RAB27B: variants seen among roughly 807,000 people sequenced by gnomAD.
The protein encoded by RAB27B is ras-related protein Rab-27B.
In RAB27B, 15 loss-of-function variants were observed where a neutral mutation model predicts 24.6. The ratio of observed to expected loss-of-function variants is 0.61; its 90% CI spans 0.41 to 0.94. The LOEUF (loss-of-function observed/expected upper bound fraction) is 0.94, where lower values mean the gene tolerates loss of function less well. Ranked by LOEUF, RAB27B falls within the 40% of genes least tolerant of loss-of-function variation. The pLI is 0.00. For synonymous variants in RAB27B, 105 were observed against 92.5 expected, an observed-to-expected ratio of 1.14 and a Z score of -0.78; for missense variants, 261 against 266.8, an observed-to-expected ratio of 0.98 and a Z score of 0.15.
chr18:54,752,087 A>G (rs11873879), intron 2 of RAB27B, among the ~76,000 whole-genome samples: 9,460 of 152,244 alleles, frequency 0.062, 371 homozygotes, highest in Admixed American at 0.086. Context: ...TTAGCACATC[A>G]TGACATACAG....
At chr18:54,870,111 T>C (rs772290419) in intron 1 of RAB27B, among the ~76,000 whole-genome samples, 3 of 152,142 alleles carry the variant, frequency 2.0e-5, no homozygotes, top group Non-Finnish European at 4.4e-5. Flanking sequence ...TTACGTTCTA[T>C]GAAGTTAATA....
At chr18:54,828,300 A>G (rs566344315), upstream of RAB27B, 10 of 152,340 alleles carry the variant, frequency 6.6e-5, no homozygotes, top group Admixed American at 3.9e-4. Context: ...CAGTGTGGAG[A>G]CTTCATCCCC....
At chr18:54,795,575 G>C (rs556592571) in intron 2 of RAB27B, among the ~76,000 whole-genome samples, 1 of 152,278 alleles carries the variant, frequency 6.6e-6, no homozygotes, top group East Asian at 1.9e-4. Flanking sequence ...GATGAATGAA[G>C]GGCCTGGAAC....
chr18:54,803,744 C>T (rs776399608), intron 2 of RAB27B, among the ~76,000 whole-genome samples: 9 of 152,090 alleles, frequency 5.9e-5, no homozygotes, highest in Non-Finnish European at 8.8e-5. Context: ...AGAGAAGAAT[C>T]AGAGGTGATT....
At position 54,887,921 on chromosome 18, in the gene RAB27B, T is replaced by A; in HGVS notation, c.344-74T>A. On this transcript the variant is annotated intron_variant, in intron 4 of 5. Transcript: ENST00000262094. ...TGGAGATAAGCAATTAGATCAGGAA[T>A]CTGGAATAAGAGCAGTCATTTGACA... 5 of 1,524,020 alleles carry A rather than the reference T, an allele frequency of 3.3e-6. No homozygotes were observed. In the South Asian group the frequency reaches 6.3e-5, roughly 19 times the overall value. The allele number at this position is 1,524,020 out of a possible 1,614,324, so 94.4% of individuals were successfully genotyped here. A position where few individuals can be genotyped will look rare whatever the true frequency, so the allele number is the denominator to read the frequency against.
chr18:54,854,453 G>A (rs2145224950), intron 1 of RAB27B, among the ~76,000 whole-genome samples: 1 of 152,158 alleles, frequency 6.6e-6, no homozygotes, highest in South Asian at 2.1e-4. Flanking sequence ...CAAATATGTT[G>A]TGCCTCTTTT....
At chr18:54,821,767 T>C (rs1910318023) in intron 2 of RAB27B, among the ~76,000 whole-genome samples, 1 of 152,240 alleles carries the variant, frequency 6.6e-6, no homozygotes, top group Non-Finnish European at 1.5e-5. Flanking sequence ...ATTTTTATTT[T>C]TTTGAGATGG....
intron 1 of RAB27B, among the ~76,000 whole-genome samples, chr18:54,835,733 G>A (rs1043120729): frequency 2.0e-5 from 3 of 152,026 alleles, no homozygotes; most frequent in Non-Finnish European, 4.4e-5. Context: ...AGCAGTAATA[G>A]TAATAAGATG....
chr18:54,772,046 T>G (rs779371424), intron 2 of RAB27B, among the ~76,000 whole-genome samples: 14 of 152,192 alleles, frequency 9.2e-5, no homozygotes, highest in Non-Finnish European at 2.1e-4. Flanking sequence ...AAGCTCCTCT[T>G]TAATTTCTTC....
intron 2 of RAB27B, among the ~76,000 whole-genome samples, chr18:54,754,478 A>T (rs1214036506): frequency 6.6e-6 from 1 of 152,226 alleles, no homozygotes; most frequent in African/African-American, 2.4e-5. Flanking sequence ...TAGTGCAGAA[A>T]GGAATTCAAG....
intron 2 of RAB27B, among the ~76,000 whole-genome samples, chr18:54,818,582 G>A (rs969679077): frequency 2.0e-5 from 3 of 152,198 alleles, no homozygotes; most frequent in African/African-American, 4.8e-5. Flanking sequence ...CATGTGGTTA[G>A]TATGCCTCCA....
intron 2 of RAB27B, among the ~76,000 whole-genome samples, chr18:54,749,830 GT>G (rs1263948669): frequency 6.6e-6 from 1 of 151,982 alleles, no homozygotes; most frequent in Non-Finnish European, 1.5e-5. Flanking sequence ...GGGGTTGGTT[GT>G]TTTTTTGTTT....
Position 54,766,370 on chromosome 18 carries a change from C to T in RAB27B, c.-20+48229C>T, listed in dbSNP as rs183304413. Among the ~76,000 whole-genome samples, 13 of 152,244 alleles carry T rather than the reference C, an allele frequency of 8.5e-5. 1 individual carries two copies. In the East Asian group the frequency reaches 2.5e-3, roughly 29 times the overall value. The stretch of plus-strand genomic sequence containing the variant: ...GAAGCAGGCAGGCATATGCAAAGAG[C>T]ACCAGGTTAGGATTTGGGAGACCTG... On this transcript the variant is annotated intron_variant, in intron 2 of 4. Transcript: ENST00000586570.
chr18:54,835,461 A>G (rs1910856801), intron 1 of RAB27B, among the ~76,000 whole-genome samples: 1 of 151,908 alleles, frequency 6.6e-6, no homozygotes, highest in African/African-American at 2.4e-5. Flanking sequence ...TTTGATCTTA[A>G]TCTTCCTAAG....
intron 2 of RAB27B, among the ~76,000 whole-genome samples, chr18:54,815,667 C>T (rs1042503166): frequency 2.0e-5 from 3 of 152,152 alleles, no homozygotes; most frequent in African/African-American, 7.2e-5. Flanking sequence ...TAATAATTTG[C>T]TATTAAAGTC....
intron 2 of RAB27B, among the ~76,000 whole-genome samples, chr18:54,789,798 A>G (rs1395625006): frequency 6.6e-6 from 1 of 152,170 alleles, no homozygotes; most frequent in Non-Finnish European, 1.5e-5. Context: ...CATTTTTGAA[A>G]TTAAAGTTAA....
chr18:54,786,317 GA>G (rs1909084478), intron 2 of RAB27B, among the ~76,000 whole-genome samples: 1 of 152,152 alleles, frequency 6.6e-6, no homozygotes, highest in African/African-American at 2.4e-5. Flanking sequence ...TGCCTCTCCA[GA>G]CCTGTTCTTA....
chr18:54,859,766 G>A (rs1911939406), intron 1 of RAB27B, among the ~76,000 whole-genome samples: 1 of 152,184 alleles, frequency 6.6e-6, no homozygotes, highest in African/African-American at 2.4e-5. Flanking sequence ...AACACTAGGT[G>A]AGTTTGAAAC....
At chr18:54,740,613 G>C (rs1452500862) in intron 2 of RAB27B, among the ~76,000 whole-genome samples, 1 of 152,160 alleles carries the variant, frequency 6.6e-6, no homozygotes, top group East Asian at 1.9e-4. Context: ...TCATGACCTA[G>C]GAGTGGCTAA....
Sources: allele counts gnomAD v4.1 joint callset (sites outside exome capture counted in the v4.1 genomes callset), GRCh38; gene constraint gnomAD v4.1.1; transcripts MANE v1.5; gene names NCBI Gene and HGNC (gene_info 2026-07-23, HGNC 2026-07-21).